CEP128: variants seen among roughly 807,000 people sequenced by gnomAD.
CEP128 encodes centrosomal protein 128kDa.
Under a neutral mutation model 156.7 loss-of-function variants are expected in CEP128, and 132 were observed. The ratio of observed to expected loss-of-function variants is 0.84; its 90% confidence interval spans 0.73 to 0.97. The LOEUF is 0.97. Among genes scored for constraint, CEP128 ranks in the 50% least tolerant of loss-of-function variants. CEP128 has a pLI of 0.00. For synonymous variants in CEP128, 469 were observed against 448.9 expected (o/e 1.04, Z -0.57); for missense variants, 1,252 against 1,281.9 (o/e 0.98, Z 0.36).
chr14:80,920,953 A>T (rs1328114771), intron 2 of CEP128, among the ~76,000 whole-genome samples: 4 of 152,200 alleles, frequency 2.6e-5, no homozygotes, highest in Admixed American at 2.6e-4. Context: ...TTTAGAATAC[A>T]TACAAAAATT....
chr14:80,621,176 A>C (rs1487534876), intron 19 of CEP128, among the ~76,000 whole-genome samples: 1 of 152,168 alleles, frequency 6.6e-6, no homozygotes, highest in Non-Finnish European at 1.5e-5. Context: ...AATATCTCAT[A>C]ATTTTTTTAA....
At chr14:80,550,015 G>A (rs1890147013) in intron 21 of CEP128, among the ~76,000 whole-genome samples, 1 of 152,186 alleles carries the variant, frequency 6.6e-6, no homozygotes, top group Admixed American at 6.5e-5. Context: ...CAACTAGTGT[G>A]TATAGTTCAA....
In CEP128 at chr14:80,910,951, A is replaced by G. The variant is rs537162603; in HGVS notation, c.234+3371T>C. ...TGATATATAAATGAACTGAAAAATA[A>G]CTGTAGATGCTTTTAGATTACCATG... is the stretch of plus-strand genomic sequence containing the variant. On this transcript the variant is annotated intron_variant, in intron 4 of 24. Coordinates refer to ENST00000555265, the MANE Select transcript of CEP128 (RefSeq NM_152446.5). Among the ~76,000 whole-genome samples the G allele has an allele frequency of 2.6e-5, 4 of 152,356 alleles. No homozygotes were observed. The South Asian group carries it at 8.3e-4, about 32-fold the overall frequency.
At chr14:80,632,430 CAT>C (rs1377713866) in intron 19 of CEP128, among the ~76,000 whole-genome samples, 1 of 148,272 alleles carries the variant, frequency 6.7e-6, no homozygotes, top group African/African-American at 2.5e-5. Context: ...TAATATGGTA[CAT>C]ATATATCAGT....
intron 21 of CEP128, among the ~76,000 whole-genome samples, chr14:80,533,172 A>G (rs1889308785): frequency 6.6e-6 from 1 of 152,174 alleles, no homozygotes; most frequent in Non-Finnish European, 1.5e-5. Flanking sequence ...TATTCATTTA[A>G]ATAATAAAAT....
chr14:80,855,392 G>C lies in CEP128; in HGVS notation c.762+7365C>G, dbSNP rs182622747. ...TTGACTTTTAAACTTTCATTTACTT[G>C]TAAACTCTATTGGTCCTTCTCAAAG... On this transcript the variant is annotated intron_variant, in intron 9 of 24. Coordinates refer to ENST00000555265, the MANE Select transcript of CEP128 (RefSeq NM_152446.5). Among the ~76,000 whole-genome samples the C allele has an allele frequency of 1.5e-3, 226 of 152,218 alleles. 1 individual carries two copies. The highest frequency in any genetic ancestry group is 5.4e-3 in the African/African-American group (225 of 41,520).
At chr14:80,806,773 A>G (rs1242824580) in intron 13 of CEP128, among the ~76,000 whole-genome samples, 1 of 147,966 alleles carries the variant, frequency 6.8e-6, no homozygotes, top group African/African-American at 2.5e-5. Flanking sequence ...GGCAGCAGAG[A>G]AGACTAAGAG....
chr14:80,722,613 G>GCATTTAACAGC (rs903096096), intron 19 of CEP128, among the ~76,000 whole-genome samples: 6 of 151,532 alleles, frequency 4.0e-5, no homozygotes, highest in Admixed American at 6.6e-5. Context: ...GTTTATTGAA[G>GCATTTAACAGC]CATTTAACAG....
intron 2 of CEP128, among the ~76,000 whole-genome samples, chr14:80,922,810 T>C (rs922228852): frequency 6.6e-6 from 1 of 152,216 alleles, no homozygotes; most frequent in Non-Finnish European, 1.5e-5. Flanking sequence ...AAGGAAGAAC[T>C]GCTAAATTTG....
intron 12 of CEP128, among the ~76,000 whole-genome samples, chr14:80,835,948 C>T (rs918425829): frequency 6.6e-6 from 1 of 152,158 alleles, no homozygotes; most frequent in Non-Finnish European, 1.5e-5. Context: ...ACTGCTTTTG[C>T]AGGCTCTTTC....
At chr14:80,861,133 G>A (rs1268980532) in intron 9 of CEP128, among the ~76,000 whole-genome samples, 1 of 151,734 alleles carries the variant, frequency 6.6e-6, no homozygotes, top group African/African-American at 2.4e-5. Flanking sequence ...AATGTAGAAG[G>A]AATCATAAAA....
chr14:80,535,504 T>A (rs1889442290), intron 21 of CEP128, among the ~76,000 whole-genome samples: 1 of 152,226 alleles, frequency 6.6e-6, no homozygotes, highest in African/African-American at 2.4e-5. Context: ...AGAAAAGTTT[T>A]AAGATGAAAC....
At position 80,785,396 on chromosome 14, in the gene CEP128, A is replaced by G; in HGVS notation, c.1710T>C (p.Ile570=). The stretch of plus-strand genomic sequence containing the variant: ...ATTCAAGGTCAGCTTGATGAGACTT[A>G]ATATCACGTAATTTCTCCTCCTTGG... ...LHSKEEKLRD[I]KSHQADLELE... The change falls in exon 15 of 25, where the codon ATT becomes ATC. Residue 570 remains isoleucine, a synonymous_variant. Transcript: ENST00000555265. The G allele has an allele frequency of 2.5e-6, 4 of 1,614,130 alleles. No homozygotes were observed. Among genetic ancestry groups the G allele is most frequent in the Non-Finnish European group, 3.4e-6 (4 of 1,180,002 alleles).
chr14:80,679,594 G>A (rs1896231068), intron 19 of CEP128, among the ~76,000 whole-genome samples: 1 of 152,164 alleles, frequency 6.6e-6, no homozygotes, highest in Non-Finnish European at 1.5e-5. Flanking sequence ...CTGTTAAGAT[G>A]CTTATCAAGG....
intron 14 of CEP128, among the ~76,000 whole-genome samples, chr14:80,792,192 T>C (rs1901743290): frequency 6.6e-6 from 1 of 152,208 alleles, no homozygotes; most frequent in Non-Finnish European, 1.5e-5. Flanking sequence ...GTTTTGTTGC[T>C]ATCAAAAGGG....
intron 23 of CEP128, among the ~76,000 whole-genome samples, chr14:80,511,965 T>C (rs1888279681): frequency 6.6e-6 from 1 of 152,078 alleles, no homozygotes; most frequent in Non-Finnish European, 1.5e-5. Flanking sequence ...TTTTTTTGAA[T>C]TTTTAAAGAA....
At chr14:80,872,233 T>C (rs1031050616) in intron 8 of CEP128, among the ~76,000 whole-genome samples, 3 of 152,138 alleles carry the variant, frequency 2.0e-5, no homozygotes, top group Non-Finnish European at 4.4e-5. Flanking sequence ...AAACTGAAAT[T>C]TCCCATATGG....
chr14:80,879,882 C>A (rs1230521359), intron 8 of CEP128, among the ~76,000 whole-genome samples: 1 of 152,228 alleles, frequency 6.6e-6, no homozygotes, highest in South Asian at 2.1e-4. Flanking sequence ...ATTCTAATCA[C>A]GCTGTCAAAA....
intron 21 of CEP128, among the ~76,000 whole-genome samples, chr14:80,550,784 T>A (rs1428667725): frequency 7.4e-5 from 11 of 149,020 alleles, no homozygotes; most frequent in Non-Finnish European, 1.5e-4. Context: ...TATTATAAAT[T>A]TTGAGAAAGA....
Sources: allele counts gnomAD v4.1 joint callset (sites outside exome capture counted in the v4.1 genomes callset), GRCh38; gene constraint gnomAD v4.1.1; transcripts MANE v1.5; gene names NCBI Gene and HGNC (gene_info 2026-07-23, HGNC 2026-07-21).